Variants in SCFD2 observed in about 807,000 individuals in gnomAD.
SCFD2 encodes sec1 family domain containing 2.
SCFD2 carries 54 observed loss-of-function variants against 58.9 expected under a neutral mutation model. The observed-to-expected ratio is 0.92, with a 90% CI of 0.74 to 1.15. SCFD2 has a LOEUF of 1.15. Ranked by LOEUF, SCFD2 falls within the 50% of genes most tolerant of loss-of-function variation. SCFD2 has a pLI of 0.00. For missense variants in SCFD2, 805 were observed against 836.6 expected (o/e 0.96, Z 0.47); for synonymous variants, 321 against 335.9 (o/e 0.96, Z 0.49).
intron 4 of SCFD2, among the ~76,000 whole-genome samples, chr4:53,214,688 T>G (rs949663631): frequency 6.6e-6 from 1 of 152,156 alleles, no homozygotes; most frequent in Non-Finnish European, 1.5e-5. Context: ...TGGCTTTTGT[T>G]GCCATTGCTT....
chr4:53,081,055 C>A (rs866188103), intron 5 of SCFD2, among the ~76,000 whole-genome samples: 2 of 152,066 alleles, frequency 1.3e-5, no homozygotes, highest in South Asian at 2.1e-4. Flanking sequence ...TTACTTGTTG[C>A]AGACTACGAT....
At chr4:53,084,531 A>G (rs1441466282) in intron 5 of SCFD2, among the ~76,000 whole-genome samples, 1 of 152,232 alleles carries the variant, frequency 6.6e-6, no homozygotes, top group Non-Finnish European at 1.5e-5. Context: ...GCTTACGAAG[A>G]TAACAGGATT....
At chr4:53,031,454 C>T (rs1231741153) in intron 5 of SCFD2, among the ~76,000 whole-genome samples, 1 of 152,156 alleles carries the variant, frequency 6.6e-6, no homozygotes, top group Non-Finnish European at 1.5e-5. Context: ...AAATAGGCTT[C>T]AGAATGTGGG....
chr4:53,179,686 A>G (rs1045555363), intron 4 of SCFD2, among the ~76,000 whole-genome samples: 1 of 152,234 alleles, frequency 6.6e-6, no homozygotes, highest in Non-Finnish European at 1.5e-5. Flanking sequence ...AAATGCTCCA[A>G]TTAAAAGACA....
chr4:53,189,496 G>T (rs1462161949), intron 4 of SCFD2, among the ~76,000 whole-genome samples: 2 of 152,152 alleles, frequency 1.3e-5, no homozygotes, highest in African/African-American at 4.8e-5. Flanking sequence ...TTCTTAGCTT[G>T]CAAACTTCGC....
chr4:53,030,955 T>C (rs546465056), intron 5 of SCFD2, among the ~76,000 whole-genome samples: 17 of 152,338 alleles, frequency 1.1e-4, no homozygotes, highest in African/African-American at 3.8e-4. Context: ...TCTATAAAAA[T>C]AATTAAACTC....
intron 2 of SCFD2, among the ~76,000 whole-genome samples, chr4:53,338,569 A>ATTTTTTTTTTTT (rs1454636023): frequency 2.9e-4 from 17 of 58,334 alleles, no homozygotes; most frequent in Admixed American, 4.7e-4. Context: ...AAAGCAGTAT[A>ATTTTTTTTTTTT]TTTTTCTTTT....
At chr4:53,339,662 C>T (rs746857222) in intron 2 of SCFD2, among the ~76,000 whole-genome samples, 3 of 151,694 alleles carry the variant, frequency 2.0e-5, no homozygotes, top group Admixed American at 6.6e-5. Flanking sequence ...CCCAGCTACT[C>T]GGGAGGCTGA....
chr4:53,334,768 AGAT>A (rs1371538528), intron 2 of SCFD2, among the ~76,000 whole-genome samples: 4 of 152,248 alleles, frequency 2.6e-5, no homozygotes, highest in Non-Finnish European at 5.9e-5. Flanking sequence ...AAAAATTAAT[AGAT>A]GCTAAAGCAG....
chr4:53,158,061 C>T (rs1379816099), intron 4 of SCFD2, among the ~76,000 whole-genome samples: 1 of 152,088 alleles, frequency 6.6e-6, no homozygotes, highest in African/African-American at 2.4e-5. Flanking sequence ...CCTTCGAGTC[C>T]CCTGGTAAGG....
chr4:53,343,299 C>T (rs184607826), intron 2 of SCFD2, among the ~76,000 whole-genome samples: 244 of 152,236 alleles, frequency 1.6e-3, no homozygotes, highest in Admixed American at 3.9e-3. Context: ...GAAATACAAG[C>T]TACCATCAGA....
chr4:53,229,832 G>C (rs1047528563), intron 4 of SCFD2, among the ~76,000 whole-genome samples: 1 of 152,102 alleles, frequency 6.6e-6, no homozygotes, highest in Non-Finnish European at 1.5e-5. Flanking sequence ...GAGTGAACAG[G>C]CAACCTACAG....
chr4:53,257,123 A>ACG (rs1419190003), intron 4 of SCFD2, among the ~76,000 whole-genome samples: 1 of 151,784 alleles, frequency 6.6e-6, no homozygotes, highest in Admixed American at 6.6e-5. Flanking sequence ...ACACACACAC[A>ACG]CACGAAGCCA....
chr4:52,892,678 T>A (rs1718905261), intron 7 of SCFD2, among the ~76,000 whole-genome samples: 1 of 152,212 alleles, frequency 6.6e-6, no homozygotes, highest in Non-Finnish European at 1.5e-5. Flanking sequence ...CTCCTCTGTG[T>A]CCTCACATCC....
At chr4:52,886,393 G>A (rs1005908904) in intron 7 of SCFD2, among the ~76,000 whole-genome samples, 9 of 152,286 alleles carry the variant, frequency 5.9e-5, no homozygotes, top group African/African-American at 7.2e-5. Context: ...TCTTCTCCAC[G>A]CTCCTCACTT....
intron 5 of SCFD2, among the ~76,000 whole-genome samples, chr4:53,067,721 G>A (rs1723703902): frequency 6.6e-6 from 1 of 152,036 alleles, no homozygotes; most frequent in Admixed American, 6.6e-5. Context: ...CCTCAGCCAT[G>A]CTGAACTGTG....
chr4:53,153,700 C>G (rs1041393499), intron 4 of SCFD2, among the ~76,000 whole-genome samples: 1 of 152,198 alleles, frequency 6.6e-6, no homozygotes, highest in African/African-American at 2.4e-5. Flanking sequence ...AATGCTCTTT[C>G]CATCTCTACT....
chr4:53,171,106 C>T (rs1418041470), intron 4 of SCFD2, among the ~76,000 whole-genome samples: 2 of 152,058 alleles, frequency 1.3e-5, no homozygotes, highest in African/African-American at 4.8e-5. Context: ...TGTTCCTGAC[C>T]TTAGAAGAGA....
rs560756044 is a variant in SCFD2, at chr4:52,970,312, C to T, written c.1562-49442G>A. On this transcript the variant is annotated intron_variant, in intron 5 of 8. Transcript: ENST00000401642. ...ACAGCACCTGGAAAATCGGGTCACT[C>T]CCACCCTAATACTGCACTTTTCCTA... Among the ~76,000 whole-genome samples the T allele has an allele frequency of 4.2e-3, 638 of 152,372 alleles. 3 individuals carry two copies. Among genetic ancestry groups the T allele is most frequent in the Non-Finnish European group, 7.6e-3 (518 of 68,036 alleles).
Sources: allele counts gnomAD v4.1 joint callset (sites outside exome capture counted in the v4.1 genomes callset), GRCh38; gene constraint gnomAD v4.1.1; transcripts MANE v1.5; gene names NCBI Gene and HGNC (gene_info 2026-07-23, HGNC 2026-07-21).